PNLIPRP3: variants seen among roughly 807,000 people sequenced by gnomAD.
PNLIPRP3 encodes pancreatic lipase related protein 3, also known as pancreatic lipase-related protein 3.
In PNLIPRP3, 58 loss-of-function variants were observed where a neutral mutation model predicts 52.8. That is an observed-to-expected ratio of 1.10 (90% CI 0.89 to 1.37). The LOEUF is 1.37. Among genes scored for constraint, PNLIPRP3 ranks in the 40% most tolerant of loss-of-function variants. The probability of loss-of-function intolerance (pLI) is 0.00; values close to 1 mark genes in which losing one functional copy is unlikely to be tolerated. For missense variants in PNLIPRP3, 593 were observed against 561.6 expected (o/e 1.06, Z -0.57); for synonymous variants, 192 against 185.0 (o/e 1.04, Z -0.31).
At chr10:116,439,696 A>C (rs1294996880) in intron 2 of PNLIPRP3, 1 of 769,142 alleles carries the variant, frequency 1.3e-6, no homozygotes, top group Non-Finnish European at 2.4e-6. Context: ...TCCAATAGAG[A>C]AGCCAGGGTT....
chr10:116,444,343 C>A (rs778198530), intron 3 of PNLIPRP3, 39 bp from the exon 4 acceptor site: 1 of 1,516,260 alleles, frequency 6.6e-7, no homozygotes, highest in Non-Finnish European at 8.9e-7. Flanking sequence ...TTTCCTTGAA[C>A]ACTTATTTAT....
chr10:116,457,023 C>G (rs567078968), intron 5 of PNLIPRP3, among the ~76,000 whole-genome samples: 2 of 152,220 alleles, frequency 1.3e-5, no homozygotes, highest in African/African-American at 4.8e-5. Flanking sequence ...TAGCTTGTCA[C>G]GTAAACTTGT....
chr10:116,466,138 T>C lies in PNLIPRP3; in HGVS notation c.897T>C (p.Tyr299=). 1 of 1,608,512 alleles carries C rather than the reference T, an allele frequency of 6.2e-7. No homozygotes were observed. The highest frequency in any genetic ancestry group is 8.5e-7 in the Non-Finnish European group (1 of 1,175,282). Residue 299 remains tyrosine, a synonymous_variant, in exon 8 of 12, where the codon TAT becomes TAC. Coordinates refer to ENST00000369230, the MANE Select transcript of PNLIPRP3 (RefSeq NM_001011709.3). The part of the protein sequence containing the change: ...SILNPDAFIA[Y]PCRSYTSFKA... ...TTAATCCTGATGCATTTATTGCTTA[T>C]CCTTGTAGATCCTACACATCTTTTA...
chr10:116,434,914 GA>G (rs1009970756), intron 1 of PNLIPRP3, among the ~76,000 whole-genome samples: 7 of 151,950 alleles, frequency 4.6e-5, no homozygotes, highest in Middle Eastern at 3.2e-3. Flanking sequence ...TCCAGGAAGA[GA>G]AAAAAAGGCA....
rs138877911 is a variant in PNLIPRP3 at position 116,457,942 on chromosome 10, T to C, written c.565+2112T>C. On this transcript the variant is annotated intron_variant, in intron 5 of 11. Transcript: ENST00000369230. ...AATATTATGTGGATGTTTTAATCTA[T>C]ATTCCTCTGAGAAATTAGTTTTTGG... Among the ~76,000 whole-genome samples the C allele has an allele frequency of 2.9e-4, 44 of 152,346 alleles. No homozygotes were observed. In the East Asian group the frequency reaches 7.1e-3, roughly 25 times the overall value.
intron 9 of PNLIPRP3, 116 bp from the exon 10 acceptor site, chr10:116,471,652 G>A (rs1846373028): frequency 1.2e-6 from 1 of 803,492 alleles, no homozygotes; most frequent in Non-Finnish European, 2.2e-6. Flanking sequence ...AATATGTGCA[G>A]CACTGTTCAA....
intron 9 of PNLIPRP3, 60 bp downstream of exon 9, chr10:116,469,377 A>G: frequency 6.7e-7 from 1 of 1,487,372 alleles, no homozygotes; most frequent in Non-Finnish European, 9.0e-7. Context: ...TAAAAATTCA[A>G]CAGTTTTTAT....
chr10:116,451,257 A>G (rs1230882433), intron 4 of PNLIPRP3, among the ~76,000 whole-genome samples: 1 of 152,176 alleles, frequency 6.6e-6, no homozygotes, highest in Non-Finnish European at 1.5e-5. Flanking sequence ...GTCTTACACT[A>G]TATACACACA....
intron 4 of PNLIPRP3, among the ~76,000 whole-genome samples, chr10:116,445,129 TC>T (rs1452684279): frequency 6.6e-5 from 10 of 152,186 alleles, no homozygotes; most frequent in Non-Finnish European, 1.5e-4. Flanking sequence ...GTTCATTCAT[TC>T]ATTCAACAAA....
At chr10:116,458,272 A>T (rs890165202) in intron 5 of PNLIPRP3, among the ~76,000 whole-genome samples, 2 of 152,178 alleles carry the variant, frequency 1.3e-5, no homozygotes, top group Non-Finnish European at 2.9e-5. Context: ...TACATACTAC[A>T]CACTCAGATC....
intron 8 of PNLIPRP3, among the ~76,000 whole-genome samples, chr10:116,468,057 G>A (rs926757770): frequency 6.0e-5 from 9 of 148,796 alleles, no homozygotes; most frequent in African/African-American, 7.5e-5. Flanking sequence ...CCCGGGAGGC[G>A]GAGCTTGCAG....
At chr10:116,455,073 C>G (rs188994912) in intron 4 of PNLIPRP3, among the ~76,000 whole-genome samples, 36 of 152,312 alleles carry the variant, frequency 2.4e-4, no homozygotes, top group African/African-American at 7.0e-4. Flanking sequence ...GACATTCTAA[C>G]AGATGTGAGG....
chr10:116,431,424 TG>T (rs1259843916), intron 1 of PNLIPRP3, among the ~76,000 whole-genome samples: 1 of 152,038 alleles, frequency 6.6e-6, no homozygotes, highest in African/African-American at 2.4e-5. Flanking sequence ...TTCAAACTCC[TG>T]GGGGCCAGAT....
intron 1 of PNLIPRP3, among the ~76,000 whole-genome samples, 153 bp from the exon 2 acceptor site, chr10:116,436,558 G>C (rs74158462): frequency 0.044 from 6,629 of 152,168 alleles, 491 homozygotes; most frequent in African/African-American, 0.15. Flanking sequence ...AAATGAAAAG[G>C]CAACCCTATA....
At chr10:116,432,812 A>G (rs1314045510) in intron 1 of PNLIPRP3, among the ~76,000 whole-genome samples, 2 of 152,128 alleles carry the variant, frequency 1.3e-5, no homozygotes, top group Admixed American at 6.5e-5. Flanking sequence ...AAAAGTGTGT[A>G]ATTGTTAATA....
intron 9 of PNLIPRP3, among the ~76,000 whole-genome samples, chr10:116,471,530 T>A (rs1485411376): frequency 1.3e-5 from 2 of 152,234 alleles, no homozygotes; most frequent in Non-Finnish European, 2.9e-5. Context: ...AATTTTCTTT[T>A]AAAATATTAT....
chr10:116,443,802 CATATATATATAT>C (rs1200044232), intron 3 of PNLIPRP3, among the ~76,000 whole-genome samples: 17 of 13,084 alleles, frequency 1.3e-3, no homozygotes, highest in East Asian at 2.0e-3. Flanking sequence ...TGTGTGTGTG[CATATATATATAT>C]ATATATATAT....
intron 1 of PNLIPRP3, among the ~76,000 whole-genome samples, chr10:116,433,637 A>G (rs1845739258): frequency 6.6e-6 from 1 of 151,510 alleles, no homozygotes; most frequent in Non-Finnish European, 1.5e-5. Context: ...CATTATACAC[A>G]TTCATCTTTG....
At chr10:116,438,424 C>A (rs1845808287) in intron 2 of PNLIPRP3, among the ~76,000 whole-genome samples, 1 of 152,214 alleles carries the variant, frequency 6.6e-6, no homozygotes, top group Admixed American at 6.5e-5. Context: ...CCAGCCAGGG[C>A]AGTCTTCTCC....
Sources: gnomAD v4.1 joint callset for allele counts (sites outside exome capture counted in the v4.1 genomes callset) on GRCh38, gnomAD v4.1.1 for gene constraint, MANE v1.5 for transcripts, NCBI Gene and HGNC (gene_info 2026-07-23, HGNC 2026-07-21) for gene names.